The following SCN1B variants were observed in gnomAD, a reference collection of about 807,000 sequenced individuals.
SCN1B encodes sodium channel regulatory subunit beta-1.
SCN1B carries 11 observed loss-of-function variants against 25.7 expected under a neutral mutation model. The ratio of observed to expected loss-of-function variants is 0.43; its 90% CI spans 0.27 to 0.71. The LOEUF (loss-of-function observed/expected upper bound fraction) is 0.71. Ranked by LOEUF, SCN1B falls within the 30% of genes least tolerant of loss-of-function variation. SCN1B has a pLI of 0.21. For synonymous variants in SCN1B, 119 were observed against 117.5 expected (o/e 1.01, Z -0.08); for missense variants, 224 against 291.5 (o/e 0.77, Z 1.69).
Position 35,039,233 on chromosome 19 carries a change from A to T in SCN1B, c.565A>T (p.Thr189Ser), listed in dbSNP as rs753867968. The change falls in exon 4 of 6, where the codon ACG becomes TCG. Residue 189 changes from threonine to serine, a missense_variant. Coordinates refer to ENST00000262631, the MANE Select transcript of SCN1B (RefSeq NM_001037.5). ...CTGCTACAAGAAGATCGCTGCCGCC[A>T]CGGAGACTGCTGCACAGGAGAATGC... The part of the protein sequence containing the change: ...IYCYKKIAAA[T>S]ETAAQENASE... 1 of 1,613,814 alleles carries T rather than the reference A, an allele frequency of 6.2e-7. No individual in the cohort carries two copies. Among genetic ancestry groups the T allele is most frequent in the African/African-American group, 1.3e-5 (1 of 74,926 alleles).
At chr19:35,033,104 G>A (rs1469578844) in intron 2 of SCN1B, among the ~76,000 whole-genome samples, 3 of 152,012 alleles carry the variant, frequency 2.0e-5, no homozygotes, top group East Asian at 1.9e-4. Context: ...ATTATATATC[G>A]GTGAGGGAAC....
intron 3 of SCN1B, chr19:35,037,801 A>G (rs2064257912): frequency 6.7e-6 from 1 of 150,106 alleles, no homozygotes; most frequent in Non-Finnish European, 1.5e-5. Flanking sequence ...AAAAAAAAAA[A>G]GGAAAAAATT....
chr19:35,035,305 T>C (rs372815312), intron 3 of SCN1B: 45 of 152,218 alleles, frequency 3.0e-4, no homozygotes, highest in African/African-American at 1.0e-3. Flanking sequence ...TTTTTATTTT[T>C]TGAGACGGAG....
In SCN1B at chr19:35,033,520, G is replaced by T; in HGVS notation, c.229G>T (p.Val77Leu). The T allele has an allele frequency of 6.2e-7, 1 of 1,613,918 alleles. No homozygotes were observed. Among genetic ancestry groups the T allele is most frequent in the Middle Eastern group, 1.7e-4 (1 of 6,058 alleles). Residue 77 changes from valine to leucine, a missense_variant, in exon 3 of 6, where the codon GTG becomes TTG. Transcript: ENST00000262631. The stretch of plus-strand genomic sequence containing the variant: ...CTAGATCCTGCGCTATGAGAATGAG[G>T]TGTTGCAGCTGGAGGAGGATGAGCG... ...FVKILRYENE[V>L]LQLEEDERFE...
intron 3 of SCN1B, chr19:35,034,227 C>T: frequency 1.4e-6 from 2 of 1,475,636 alleles, no homozygotes; most frequent in Non-Finnish European, 1.8e-6. Flanking sequence ...CCCTGCTGCC[C>T]TCTGTGGTGA....
At position 35,032,546 on chromosome 19, in the gene SCN1B, G is replaced by A. The variant is rs1323590530; in HGVS notation, c.59G>A (p.Gly20Asp). 1 of 1,613,900 alleles carries A rather than the reference G, an allele frequency of 6.2e-7. No homozygotes were observed. Among genetic ancestry groups the A allele is most frequent in the Non-Finnish European group, 8.5e-7 (1 of 1,180,042 alleles). Residue 20 changes from glycine to aspartate, a missense_variant, in exon 2 of 6, where the codon GGC becomes GAC. This residue lies in a region of SCN1B where 46 missense variants were observed against 35.8 expected (regional missense o/e 1.29). Transcript: ENST00000262631. This position sits in a 1 kb window ranked among gnomAD's most constrained non-coding sequence, Gnocchi z 4.3. The part of the protein sequence containing the change: ...GAALVSSACG[G>D]CVEVDSETEA... ...CCCACAGTGTCCTCAGCCTGCGGGG[G>A]CTGCGTGGAGGTGGACTCGGAGACC... is the stretch of plus-strand genomic sequence containing the variant.
intron 3 of SCN1B, chr19:35,038,794 T>G: frequency 2.3e-6 from 1 of 426,530 alleles, no homozygotes; most frequent in Non-Finnish European, 4.4e-6. Context: ...CCTAGAGACA[T>G]TGAGTCACTT....
Position 35,039,268 on chromosome 19 carries a change from G to A in SCN1B, c.590+10G>A. The stretch of plus-strand genomic sequence containing the variant: ...CTGCACAGGAGAATGCGTGAGTAGG[G>A]TGGCTGGGAGGTGGGAGGGCACCCA... On this transcript the variant is annotated intron_variant, in intron 4 of 5. Coordinates refer to ENST00000262631, the MANE Select transcript of SCN1B (RefSeq NM_001037.5). 1 of 1,611,740 alleles carries A rather than the reference G, an allele frequency of 6.2e-7. No homozygotes were observed. Among genetic ancestry groups the A allele is most frequent in the Non-Finnish European group, 8.5e-7 (1 of 1,180,004 alleles).
At chr19:35,039,059 C>T in intron 3 of SCN1B, 58 bp from the exon 4 acceptor site, 1 of 1,604,906 alleles carries the variant, frequency 6.2e-7, no homozygotes, top group Non-Finnish European at 8.5e-7. Context: ...AAGCTCACAG[C>T]ACACTCAGGC....
intron 3 of SCN1B, chr19:35,037,682 A>C (rs990586222): frequency 6.6e-6 from 1 of 151,304 alleles, no homozygotes; most frequent in Admixed American, 6.6e-5. Context: ...GTAGTGGTTC[A>C]TGCCTGTCAC....
intron 3 of SCN1B, chr19:35,037,754 T>C (rs2064257477): frequency 7.4e-6 from 1 of 135,884 alleles, no homozygotes. Context: ...AAGACCAGCC[T>C]GGGCAACACA....
Position 35,032,927 on chromosome 19 carries a change from T to C in SCN1B, c.207+233T>C, listed in dbSNP as rs972823917. ...CGGGGTGGCGGTGGTCTCTAGCCCA[T>C]AGGTTTGTGTGAGGACTGAATGCAT... On this transcript the variant is annotated intron_variant, in intron 2 of 5. Coordinates refer to ENST00000262631, the MANE Select transcript of SCN1B (RefSeq NM_001037.5). The surrounding 1 kb of genome is among the most constrained non-coding windows in gnomAD (Gnocchi z 4.3). Among the ~76,000 whole-genome samples the C allele has an allele frequency of 3.3e-5, 5 of 152,106 alleles. No homozygotes were observed. The highest frequency in any genetic ancestry group is 9.7e-5 in the African/African-American group (4 of 41,422).
rs138450474 is a variant in SCN1B at position 35,039,140 on chromosome 19, G to A, written c.472G>A (p.Val158Met). 5 of 1,614,098 alleles carry A rather than the reference G, an allele frequency of 3.1e-6. No homozygotes were observed. The highest frequency in any genetic ancestry group is 1.7e-5 in the Admixed American group (1 of 60,002). Residue 158 changes from valine (V) to methionine (M), a missense_variant, in exon 4 of 6, where the codon GTG (valine) becomes ATG (methionine). This residue lies in a region of SCN1B where 126 missense variants were observed against 204.9 expected (regional missense o/e 0.61). Transcript: ENST00000262631. ...DKANRDMASI[V>M]SEIMMYVLIV... ...AGCCAACAGAGACATGGCATCCATC[G>A]TGTCTGAGATCATGATGTATGTGCT...
Position 35,040,008 on chromosome 19 carries a change from A to G in SCN1B, c.*217A>G. ...CCCCGCCGGCCGCGCACCGCCATGC[A>G]TGATGGGTAAAGCAATACTGCCGCT... On this transcript the variant is annotated 3_prime_UTR_variant, in exon 6 of 6. Transcript: ENST00000262631. 2.4e-6 allele frequency: 1 copy of G among 425,282 alleles called. No homozygotes were observed. The highest frequency in any genetic ancestry group is 2.1e-5 in the South Asian group (1 of 47,604). The allele number at this position is 425,282 out of a possible 1,614,324, so 26.3% of individuals were successfully genotyped here. A position where few individuals can be genotyped will look rare whatever the true frequency, so the allele number is the denominator to read the frequency against.
intron 3 of SCN1B, chr19:35,036,020 C>T (rs182373800): frequency 1.3e-5 from 2 of 150,506 alleles, no homozygotes; most frequent in East Asian, 4.0e-4. Flanking sequence ...AGGTGTGAGC[C>T]ACTACGCCCG....
rs2151749369 is a variant in SCN1B, at chr19:35,040,061, T to G, written c.*270T>G. On this transcript the variant is annotated 3_prime_UTR_variant, in exon 6 of 6. Coordinates refer to ENST00000262631, the MANE Select transcript of SCN1B (RefSeq NM_001037.5). ...CCCCACCCTGCTTCTGCTGCCTGTTTGGGGAGGGGGGCGGTGAGGTGGGGG... is the reference window on the plus strand; with the variant it reads ...CCCCACCCTGCTTCTGCTGCCTGTTGGGGGAGGGGGGCGGTGAGGTGGGGG... The G allele has an allele frequency of 1.4e-5, 4 of 293,830 alleles. No individual in the cohort carries two copies. Among genetic ancestry groups the G allele is most frequent in the Non-Finnish European group, 2.0e-5 (3 of 148,962 alleles). The allele number at this position is 293,830 out of a possible 1,614,324, so 18.2% of individuals were successfully genotyped here. A position where few individuals can be genotyped will look rare whatever the true frequency, so the allele number is the denominator to read the frequency against.
chr19:35,033,331 G>A (rs916588406), intron 2 of SCN1B, among the ~76,000 whole-genome samples, 168 bp from the exon 3 acceptor site: 3 of 152,100 alleles, frequency 2.0e-5, no homozygotes, highest in South Asian at 2.1e-4. Context: ...GACTCCAGGC[G>A]TGATCCTAGC....
At chr19:35,033,055 G>GT (rs761617975) in intron 2 of SCN1B, among the ~76,000 whole-genome samples, 3 of 151,856 alleles carry the variant, frequency 2.0e-5, no homozygotes, top group East Asian at 2.0e-4. Flanking sequence ...AGACAGAACT[G>GT]TTTTTTTTAA....
In SCN1B at chr19:35,030,867, GCGCGGGGGGCGCGCGCGGCCGGGGGGCAC is replaced by G; in HGVS notation, c.40+16_40+44del. ...GTGGTCGGCGCGGCACTGGGTGAGT[GCGCGGGGGGCGCGCGCGGCCGGGGGGCAC>G]CGCGGGGGCACTGGCGGGGCGGCGG... On this transcript the variant is annotated splice_region_variant and intron_variant, in intron 1 of 5. Transcript: ENST00000262631. 3 of 736,946 alleles carry G rather than the reference GCGCGGGGGGCGCGCGCGGCCGGGGGGCAC, an allele frequency of 4.1e-6. No individual in the cohort carries two copies. Among genetic ancestry groups the G allele is most frequent in the African/African-American group, 1.9e-5 (1 of 52,874 alleles). 45.7% of individuals were successfully genotyped at this position (736,946 alleles called of 1,614,324 possible). A position where few individuals can be genotyped will look rare whatever the true frequency, so the allele number is the denominator to read the frequency against.
Sources: gnomAD v4.1 joint callset for allele counts (sites outside exome capture counted in the v4.1 genomes callset) on GRCh38, gnomAD v4.1.1 for gene constraint, gnomAD v4.1.1 regional missense constraint, Gnocchi (gnomAD v3.1) non-coding constraint, MANE v1.5 for transcripts, NCBI Gene and HGNC (gene_info 2026-07-23, HGNC 2026-07-21) for gene names.